TLN2: variants seen among roughly 807,000 people sequenced by gnomAD.
The protein encoded by TLN2 is talin-2.
TLN2 carries 118 observed loss-of-function variants against 294.7 expected under a neutral mutation model. That is an observed-to-expected ratio of 0.40 (90% CI 0.34 to 0.47). The LOEUF (loss-of-function observed/expected upper bound fraction) is 0.47, where lower values mean the gene tolerates loss of function less well. TLN2 is among the 20% of genes least tolerant of loss of function. TLN2 has a pLI of 0.84. For synonymous variants in TLN2, 1,431 were observed against 1,304.5 expected (o/e 1.10, Z -2.09); for missense variants, 3,083 against 3,282.2 (o/e 0.94, Z 1.48).
intron 3 of TLN2, chr15:62,644,635 T>C (rs538752440): frequency 8.8e-4 from 403 of 455,804 alleles, no homozygotes; most frequent in Middle Eastern, 6.5e-3. Flanking sequence ...CCTGTGCACC[T>C]TGCGGACCCC....
Position 62,707,228 on chromosome 15 carries a change from C to T in TLN2, c.2147C>T (p.Thr716Ile), listed in dbSNP as rs201561871. The part of the protein sequence containing the change: ...IAAATQCALS[T>I]SQLVACAKVV... ...GCTGCCACCCAGTGTGCCCTCTCCACCTCCCAGCTTGTGGCATGTGCCAAG... is the reference window on the plus strand; with the variant it reads ...GCTGCCACCCAGTGTGCCCTCTCCATCTCCCAGCTTGTGGCATGTGCCAAG... Residue 716 changes from threonine to isoleucine, a missense_variant, in exon 20 of 59, where the codon ACC becomes ATC. By Grantham distance (89) the Thr-to-Ile change is moderately conservative (BLOSUM62 -1). Coordinates refer to ENST00000636159, the MANE Select transcript of TLN2 (RefSeq NM_015059.3). The T allele has an allele frequency of 7.0e-5, 113 of 1,612,652 alleles. 1 individual carries two copies. Among genetic ancestry groups the T allele is most frequent in the African/African-American group, 1.3e-5 (1 of 75,050 alleles).
chr15:62,557,245 A>G (rs1033815214), intron 1 of TLN2, among the ~76,000 whole-genome samples: 2 of 152,216 alleles, frequency 1.3e-5, no homozygotes, highest in African/African-American at 2.4e-5. Flanking sequence ...CGTGTTCTCC[A>G]GAAGTAGATG....
chr15:62,698,451 T>C (rs970501306), intron 15 of TLN2, among the ~76,000 whole-genome samples: 2 of 152,228 alleles, frequency 1.3e-5, no homozygotes, highest in East Asian at 1.9e-4. Context: ...TACTCAAAGA[T>C]TGGATCACCC....
rs1183877301 is a variant in TLN2 at position 62,722,437 on chromosome 15, G to T, written c.3076G>T (p.Ala1026Ser). 5 of 1,612,984 alleles carry T rather than the reference G, an allele frequency of 3.1e-6. No individual in the cohort carries two copies. Among genetic ancestry groups the T allele is most frequent in the Non-Finnish European group, 4.2e-6 (5 of 1,179,682 alleles). The change falls in exon 26 of 59, where the codon GCC becomes TCC. Residue 1026 changes from alanine to serine, a missense_variant. Ala to Ser is a moderately conservative substitution (Grantham distance 99, BLOSUM62 1). Transcript: ENST00000636159. The part of the protein sequence containing the change: ...QAAAMQLSQC[A>S]KNLATSLAEL... ...CGCAGCCATGCAGCTGAGCCAGTGT[G>T]CCAAGAACCTGGCCACCAGCTTGGC...
chr15:62,724,607 T>C (rs1317379663), intron 26 of TLN2, among the ~76,000 whole-genome samples: 2 of 152,206 alleles, frequency 1.3e-5, no homozygotes, highest in Non-Finnish European at 2.9e-5. Context: ...GTTCATTCAC[T>C]GCATCTTTCC....
rs142842989 is a variant in TLN2 at position 62,607,846 on chromosome 15, C to T, written c.-161-10505C>T. Among the ~76,000 whole-genome samples the T allele has an allele frequency of 5.3e-3, 807 of 152,310 alleles. 8 individuals are homozygous for T. Among genetic ancestry groups the T allele is most frequent in the African/African-American group, 0.019 (781 of 41,562 alleles). On this transcript the variant is annotated intron_variant, in intron 2 of 58. Transcript: ENST00000636159. Reference sequence around the variant, plus strand: ...GGAGTGCACCCACACATTAGTGGAACTGAGTCATGCTGTGGCATGCAGCAG... The same window carrying T: ...GGAGTGCACCCACACATTAGTGGAATTGAGTCATGCTGTGGCATGCAGCAG...
rs754931452 is a variant in TLN2 at position 62,762,437 on chromosome 15, C to G, written c.4945C>G (p.Leu1649Val). The G allele has an allele frequency of 6.2e-7, 1 of 1,614,112 alleles. No homozygotes were observed. Among genetic ancestry groups the G allele is most frequent in the South Asian group, 1.1e-5 (1 of 91,076 alleles). The change falls in exon 39 of 59, where the codon CTC (leucine) becomes GTC (valine). Residue 1649 changes from leucine to valine, a missense_variant. Transcript: ENST00000636159. ...SHTVSDSIKS[L>V]ITSIRDKAPG... is the part of the protein sequence containing the mutation. ...TACAGTGTCCGACTCCATCAAGAGT[C>G]TCATCACTTCTATCAGGTCAGTTTC...
Position 62,717,662 on chromosome 15 carries a change from C to G in TLN2, c.2850C>G (p.Ala950=), listed in dbSNP as rs1000822380. 1 of 1,600,848 alleles carries G rather than the reference C, an allele frequency of 6.2e-7. No homozygotes were observed. The highest frequency in any genetic ancestry group is 8.5e-7 in the Non-Finnish European group (1 of 1,174,484). ...NAAVSNKNPA[A]QQQLVQSCKA... is the part of the protein sequence containing the mutation. ...CTGTTTCCAACAAGAACCCTGCGGCCCAGCAGCAGCTGGTCCAGAGTTGCA... is the reference window on the plus strand; with the variant it reads ...CTGTTTCCAACAAGAACCCTGCGGCGCAGCAGCAGCTGGTCCAGAGTTGCA... Residue 950 remains alanine (A), a synonymous_variant, in exon 24 of 59, where the codon GCC becomes GCG. Coordinates refer to ENST00000636159, the MANE Select transcript of TLN2 (RefSeq NM_015059.3).
At chr15:62,560,998 G>A (rs187950387) in intron 1 of TLN2, among the ~76,000 whole-genome samples, 28 of 152,286 alleles carry the variant, frequency 1.8e-4, no homozygotes, top group African/African-American at 6.5e-4. Context: ...ACAGAATGTC[G>A]CTGCTTCCCA....
At chr15:62,811,384 G>C (rs1486325669) in intron 52 of TLN2, among the ~76,000 whole-genome samples, 4 of 152,212 alleles carry the variant, frequency 2.6e-5, no homozygotes, top group African/African-American at 9.6e-5. Flanking sequence ...TTGGGAAATA[G>C]TTAAAGTGTT....
intron 39 of TLN2, among the ~76,000 whole-genome samples, chr15:62,762,689 T>C (rs1318156295): frequency 6.6e-6 from 1 of 152,252 alleles, no homozygotes; most frequent in Non-Finnish European, 1.5e-5. Flanking sequence ...ATCACAATAG[T>C]CTTATAAGGT....
chr15:62,571,110 A>G (rs541396517), intron 1 of TLN2, among the ~76,000 whole-genome samples: 2 of 152,352 alleles, frequency 1.3e-5, no homozygotes, highest in African/African-American at 2.4e-5. Context: ...TGTCTTAGCT[A>G]TCTTCCTTTT....
intron 1 of TLN2, among the ~76,000 whole-genome samples, chr15:62,404,391 T>C (rs1418221946): frequency 1.3e-5 from 2 of 152,198 alleles, no homozygotes; most frequent in Non-Finnish European, 2.9e-5. Flanking sequence ...CTTAATGTTC[T>C]GGTGACTTGT....
intron 3 of TLN2, among the ~76,000 whole-genome samples, chr15:62,623,365 A>G (rs566158935): frequency 1.3e-5 from 2 of 152,360 alleles, no homozygotes; most frequent in African/African-American, 4.8e-5. Flanking sequence ...CTCACAGGTC[A>G]TAAGTCAAAG....
At chr15:62,472,284 C>G (rs540010646) in intron 1 of TLN2, among the ~76,000 whole-genome samples, 1 of 152,286 alleles carries the variant, frequency 6.6e-6, no homozygotes, top group African/African-American at 2.4e-5. Flanking sequence ...TCACATGCTC[C>G]CAGCCTTCGA....
rs921000146 is a variant in TLN2 at position 62,799,160 on chromosome 15, C to T, written c.6235-1208C>T. On this transcript the variant is annotated intron_variant, in intron 48 of 58. Transcript: ENST00000636159. ...CATGGCGCAGTGTGGAGGTTAAGAC[C>T]GTGGCCCTCATGCTCACCAGACTCT... is the stretch of plus-strand genomic sequence containing the variant. Among the ~76,000 whole-genome samples the T allele has an allele frequency of 2.6e-5, 4 of 152,148 alleles. 1 individual carries two copies. Among genetic ancestry groups the T allele is most frequent in the Non-Finnish European group, 5.9e-5 (4 of 68,022 alleles).
chr15:62,647,395 G>T lies in TLN2; in HGVS notation c.85G>T (p.Asp29Tyr). Residue 29 changes from aspartate (D) to tyrosine (Y), a missense_variant, in exon 4 of 59, where the codon GAT (aspartate) becomes TAT (tyrosine). Transcript: ENST00000636159. ...GTTTGAACCATCTACAGCTGTGTAC[G>T]ATGCGTGTCGAGTCATTCGGGAACG... The part of the protein sequence containing the change: ...MQFEPSTAVY[D>Y]ACRVIRERVP... 1.2e-6 allele frequency: 2 copies of T among 1,614,214 alleles called. No homozygotes were observed. Among genetic ancestry groups the T allele is most frequent in the Non-Finnish European group, 1.7e-6 (2 of 1,180,032 alleles).
At chr15:62,771,195 C>T in intron 42 of TLN2, 61 bp downstream of exon 42, 2 of 1,483,086 alleles carry the variant, frequency 1.3e-6, no homozygotes, top group Non-Finnish European at 1.8e-6. Context: ...TGCATTCCTG[C>T]TGTAATGTGT....
chr15:62,800,895 C>A, intron 50 of TLN2, 126 bp downstream of exon 50: 1 of 711,450 alleles, frequency 1.4e-6, no homozygotes, highest in Non-Finnish European at 2.3e-6. Flanking sequence ...TGCCCCTTCA[C>A]CTGCCTGCTG....
Sources: allele counts gnomAD v4.1 joint callset (sites outside exome capture counted in the v4.1 genomes callset), GRCh38; gene constraint gnomAD v4.1.1; transcripts MANE v1.5; gene names NCBI Gene and HGNC (gene_info 2026-07-23, HGNC 2026-07-21).